CHAT: variants seen among roughly 807,000 people sequenced by gnomAD.
CHAT encodes the protein acetyl CoA:choline O-acetyltransferase.
Under a neutral mutation model 76.9 loss-of-function variants are expected in CHAT, and 61 were observed. The observed-to-expected ratio is 0.79, with a 90% CI of 0.65 to 0.98. CHAT has a LOEUF of 0.98. Ranked by LOEUF, CHAT falls within the 50% of genes least tolerant of loss-of-function variation. The probability of loss-of-function intolerance (pLI) is 0.00; values close to 1 mark genes in which losing one functional copy is unlikely to be tolerated. For synonymous variants in CHAT, 407 were observed against 397.4 expected (o/e 1.02, Z -0.29); for missense variants, 946 against 986.9 (o/e 0.96, Z 0.56).
intron 7 of CHAT, among the ~76,000 whole-genome samples, chr10:49,628,992 G>T (rs909406195): frequency 6.6e-5 from 10 of 152,270 alleles, no homozygotes; most frequent in African/African-American, 2.4e-4. Context: ...CTTGCCGCAC[G>T]CAGAGCTCAG....
intron 2 of CHAT, among the ~76,000 whole-genome samples, chr10:49,617,338 G>T (rs1279136965): frequency 1.3e-5 from 2 of 152,278 alleles, no homozygotes; most frequent in East Asian, 3.9e-4. Flanking sequence ...CCACCCCATT[G>T]GGCTGTGGCT....
intron 10 of CHAT, 49 bp downstream of exon 10, chr10:49,649,685 G>A (rs760070336): frequency 1.4e-5 from 22 of 1,606,620 alleles, no homozygotes; most frequent in Middle Eastern, 1.6e-4. Context: ...GGACCACCCC[G>A]CCCTTGCCTA....
chr10:49,648,648 A>C, intron 9 of CHAT, 41 bp downstream of exon 9: 2 of 1,414,910 alleles, frequency 1.4e-6, no homozygotes, highest in Non-Finnish European at 2.0e-6. Context: ...GGCCCAAAAA[A>C]ATGTGGGTGG....
intron 7 of CHAT, among the ~76,000 whole-genome samples, chr10:49,634,568 G>C (rs143640686): frequency 1.3e-5 from 2 of 152,108 alleles, no homozygotes; most frequent in Non-Finnish European, 2.9e-5. Context: ...GGCCCTCCAC[G>C]TACCACTCTC....
In CHAT at chr10:49,620,566, C is replaced by T. The variant is rs575515952; in HGVS notation, c.651C>T (p.Ala217=). Residue 217 remains alanine (A), a synonymous_variant, in exon 4 of 15, where the codon GCC becomes GCT. Transcript: ENST00000337653. ...CCCTGCCTGTCAACTCCAGCCCTGC[C>T]GTGATCTTTGCTCGGCAGCACTTCC... ...RLALPVNSSP[A]VIFARQHFPG... 4.6e-5 allele frequency: 74 copies of T among 1,613,846 alleles called. No individual in the cohort carries two copies. In the East Asian group the frequency reaches 7.4e-4, roughly 16 times the overall value.
At chr10:49,610,819 G>A (rs950160154), upstream of CHAT, 4 of 1,604,156 alleles carry the variant, frequency 2.5e-6, no homozygotes, top group Admixed American at 5.1e-5. Context: ...GGCGCTGCAG[G>A]AGCCCCGGCG....
At chr10:49,623,396 G>A (rs983743066) in intron 5 of CHAT, among the ~76,000 whole-genome samples, 3 of 152,100 alleles carry the variant, frequency 2.0e-5, no homozygotes, top group Admixed American at 6.5e-5. Flanking sequence ...AAGGACTTAA[G>A]ACTGGAACAT....
At chr10:49,629,614 C>T (rs947679994) in intron 7 of CHAT, among the ~76,000 whole-genome samples, 3 of 152,190 alleles carry the variant, frequency 2.0e-5, no homozygotes, top group Non-Finnish European at 4.4e-5. Context: ...GGCTGGATTG[C>T]CCCAAGGTCT....
intron 11 of CHAT, 113 bp from the exon 12 acceptor site, chr10:49,654,982 C>A: frequency 1.8e-6 from 2 of 1,116,210 alleles, no homozygotes; most frequent in Non-Finnish European, 1.4e-6. Context: ...AAATATTCTG[C>A]CAAGTCAAGT....
intron 1 of CHAT, chr10:49,616,066 G>A: frequency 1.2e-6 from 2 of 1,613,956 alleles, no homozygotes; most frequent in Non-Finnish European, 1.7e-6. Flanking sequence ...TGGCCGGAAT[G>A]CAGAGATGAA....
At chr10:49,610,200 C>A (rs1838252173), upstream of CHAT, 2 of 151,910 alleles carry the variant, frequency 1.3e-5, no homozygotes. Flanking sequence ...CCGCCGACGT[C>A]GCATTAGCAT....
At chr10:49,611,253 C>T (rs766262066), upstream of CHAT, 6 of 1,613,068 alleles carry the variant, frequency 3.7e-6, no homozygotes, top group African/African-American at 8.0e-5. Context: ...TGTTCGCCTT[C>T]GCCGAGGACT....
At chr10:49,642,225 C>T (rs1310585469) in intron 7 of CHAT, among the ~76,000 whole-genome samples, 2 of 152,224 alleles carry the variant, frequency 1.3e-5, no homozygotes, top group African/African-American at 2.4e-5. Context: ...AGCCCGTTGT[C>T]CCATGTTTCC....
intron 5 of CHAT, among the ~76,000 whole-genome samples, chr10:49,624,781 TG>T (rs1299921001): frequency 9.3e-5 from 14 of 151,340 alleles, no homozygotes; most frequent in African/African-American, 3.2e-4. Flanking sequence ...GGTGGATAGA[TG>T]GGTGGATGGT....
chr10:49,658,673 C>A (rs1840103902), intron 13 of CHAT, among the ~76,000 whole-genome samples: 1 of 152,200 alleles, frequency 6.6e-6, no homozygotes, highest in South Asian at 2.1e-4. Context: ...TGCACCACTG[C>A]ACTCCAGCCT....
chr10:49,619,094 AC>A (rs1325608101), intron 2 of CHAT, among the ~76,000 whole-genome samples: 1 of 151,948 alleles, frequency 6.6e-6, no homozygotes, highest in Non-Finnish European at 1.5e-5. Context: ...CTTCTGAGGA[AC>A]CCTCTTTTAG....
At chr10:49,619,963 A>G (rs1838644447) in intron 3 of CHAT, 47 bp downstream of exon 3, 1 of 1,568,988 alleles carries the variant, frequency 6.4e-7, no homozygotes, top group Non-Finnish European at 8.7e-7. Flanking sequence ...CGGGAGGCAG[A>G]CCTGGAGACA....
chr10:49,625,800 A>C, intron 6 of CHAT, 147 bp downstream of exon 6: 2 of 784,994 alleles, frequency 2.5e-6, no homozygotes, highest in Non-Finnish European at 4.3e-6. Context: ...TGGGGCCCCT[A>C]CTTCCAGTCA....
upstream of CHAT, chr10:49,611,732 G>T: frequency 6.2e-7 from 1 of 1,605,854 alleles, no homozygotes; most frequent in South Asian, 1.1e-5. Context: ...GGCATGGCCT[G>T]GCTGCCGGCC....
Sources: gnomAD v4.1 joint callset for allele counts (sites outside exome capture counted in the v4.1 genomes callset) on GRCh38, gnomAD v4.1.1 for gene constraint, MANE v1.5 for transcripts, NCBI Gene and HGNC (gene_info 2026-07-23, HGNC 2026-07-21) for gene names.